HSPA9: variants seen among roughly 807,000 people sequenced by gnomAD.
HSPA9 encodes stress-70 protein, mitochondrial.
HSPA9 carries 28 observed loss-of-function variants against 81.5 expected under a neutral mutation model. The observed-to-expected ratio is 0.34, with a 90% CI of 0.25 to 0.47. The LOEUF is 0.47. HSPA9 is among the 20% of genes least tolerant of loss of function. HSPA9 has a pLI of 1.00. For missense variants in HSPA9, 678 were observed against 838.0 expected, an observed-to-expected ratio of 0.81 and a Z score of 2.36; for synonymous variants, 293 against 290.4, an observed-to-expected ratio of 1.01 and a Z score of -0.09.
Position 138,554,254 on chromosome 5 carries a change from T to C in HSPA9, c.*1783A>G, listed in dbSNP as rs750862638. Among the ~76,000 whole-genome samples the C allele has an allele frequency of 2.0e-5, 3 of 152,238 alleles. No individual in the cohort carries two copies. Among genetic ancestry groups the C allele is most frequent in the Non-Finnish European group, 4.4e-5 (3 of 68,040 alleles). ...TGCTTGGGCATTTGGCTCCTCTCTC[T>C]GATCCCAAGGATGAATCTTGACTAG... On this transcript the variant is annotated 3_prime_UTR_variant, in exon 17 of 17. Transcript: ENST00000297185.
chr5:138,574,145 A>T lies in HSPA9; in HGVS notation c.82-19T>A. 3 of 1,599,110 alleles carry T rather than the reference A, an allele frequency of 1.9e-6. No individual in the cohort carries two copies. The highest frequency in any genetic ancestry group is 2.6e-6 in the Non-Finnish European group (3 of 1,166,424). ...AGCTATCCTAAAAAAGAAAAAACTG[A>T]CTCAGTCACCAACCAGTGTGTATCC... On this transcript the variant is annotated intron_variant, in intron 1 of 16. Transcript: ENST00000297185.
In HSPA9 at chr5:138,554,627, A is replaced by G. The variant is rs966125415; in HGVS notation, c.*1410T>C. On this transcript the variant is annotated 3_prime_UTR_variant, in exon 17 of 17. Transcript: ENST00000297185. ...GGAAATACAGTAATCTCATTTCTAC[A>G]TATTACAAAACATTATAAAAGGAGC... Among the ~76,000 whole-genome samples, 3 of 152,244 alleles carry G rather than the reference A, an allele frequency of 2.0e-5. No individual in the cohort carries two copies. The highest frequency in any genetic ancestry group is 2.9e-5 in the Non-Finnish European group (2 of 68,042).
At chr5:138,573,066 T>C (rs1580751753) in intron 3 of HSPA9, among the ~76,000 whole-genome samples, 2 of 152,148 alleles carry the variant, frequency 1.3e-5, no homozygotes, top group East Asian at 3.9e-4. Context: ...CAGCTAATTT[T>C]TGTATTTTTA....
At chr5:138,566,529 C>T (rs1750766405) in intron 9 of HSPA9, 97 bp downstream of exon 9, 1 of 912,082 alleles carries the variant, frequency 1.1e-6, no homozygotes, top group Non-Finnish European at 1.8e-6. Flanking sequence ...ACAAAAAAAA[C>T]TCAACTGACA....
At chr5:138,558,466 C>G in intron 12 of HSPA9, 87 bp downstream of exon 12, 4 of 895,136 alleles carry the variant, frequency 4.5e-6, no homozygotes, top group Middle Eastern at 2.6e-4. Flanking sequence ...TGTATGCCAG[C>G]AGTTTATACT....
chr5:138,558,972 T>C (rs1580741864), intron 11 of HSPA9: 1 of 328,662 alleles, frequency 3.0e-6, no homozygotes, highest in East Asian at 6.8e-5. Context: ...AGATGTATCA[T>C]GCTCAGTCAC....
chr5:138,554,309 CT>C lies in HSPA9; in HGVS notation c.*1727del, dbSNP rs1341002788. On this transcript the variant is annotated 3_prime_UTR_variant, in exon 17 of 17. Transcript: ENST00000297185. ...AAGCCAGTAGTTCTCAACTGGAGTA[CT>C]TTGGAAATCCTGGAGGGCTTTTAAA... Among the ~76,000 whole-genome samples, 1 of 152,168 alleles carries C rather than the reference CT, an allele frequency of 6.6e-6. No homozygotes were observed. The highest frequency in any genetic ancestry group is 1.9e-4 in the East Asian group (1 of 5,196).
At chr5:138,559,731 A>C in intron 11 of HSPA9, 133 bp downstream of exon 11, 2 of 710,494 alleles carry the variant, frequency 2.8e-6, no homozygotes. Flanking sequence ...ACCCACAGTT[A>C]ACTGTTTAAT....
chr5:138,556,172 C>G, intron 16 of HSPA9, 58 bp from the exon 17 acceptor site: 1 of 1,381,934 alleles, frequency 7.2e-7, no homozygotes, highest in East Asian at 2.3e-5. Context: ...ACCATTTGCT[C>G]TTTGTTGCAC....
At position 138,575,281 on chromosome 5, in the gene HSPA9, A is replaced by G; in HGVS notation, c.38T>C (p.Val13Ala). The G allele has an allele frequency of 6.2e-7, 1 of 1,611,704 alleles. No individual in the cohort carries two copies. The highest frequency in any genetic ancestry group is 1.1e-5 in the South Asian group (1 of 90,796). Reference sequence around the variant, plus strand: ...AGGGCCCCGGGAGGCTGCGGCGCCCACGAGACGGGCTGCTGCAGCTCGGCT... The same window carrying G: ...AGGGCCCCGGGAGGCTGCGGCGCCCGCGAGACGGGCTGCTGCAGCTCGGCT... ...SASRAAAARL[V>A]GAAASRGPTA... The change falls in exon 1 of 17, where the codon GTG becomes GCG. Residue 13 changes from valine (V) to alanine (A), a missense_variant. Transcript: ENST00000297185.
chr5:138,558,147 C>T (rs1238253143), intron 12 of HSPA9, among the ~76,000 whole-genome samples, 161 bp from the exon 13 acceptor site: 3 of 152,102 alleles, frequency 2.0e-5, no homozygotes, highest in East Asian at 1.9e-4. Context: ...AGTAGTAGTT[C>T]GCTGCCTGAA....
intron 8 of HSPA9, 104 bp from the exon 9 acceptor site, chr5:138,566,822 T>C: frequency 9.1e-7 from 1 of 1,102,780 alleles, no homozygotes. Context: ...TACCTTTATA[T>C]ATAAGCATGA....
rs928003605 is a variant in HSPA9 at position 138,556,102 on chromosome 5, G to A, written c.1975C>T (p.Arg659Ter). The A allele has an allele frequency of 9.9e-6, 16 of 1,612,938 alleles. No homozygotes were observed. The highest frequency in any genetic ancestry group is 1.3e-5 in the African/African-American group (1 of 74,830). ...EMAYKKMASE[R>*]EGSGSSGTGE... Reference sequence around the variant, plus strand: ...GTGCCAGAACTTCCAGAGCCTTCTCGCTCAGATGCCATCTGTTAAGAAAAC... The same window carrying A: ...GTGCCAGAACTTCCAGAGCCTTCTCACTCAGATGCCATCTGTTAAGAAAAC... Residue 659 changes from arginine to a stop codon, truncating the protein, a stop_gained, in exon 17 of 17, where the codon CGA becomes TGA. Transcript: ENST00000297185. LOFTEE classifies it high-confidence loss of function.
rs1751070431 is a variant in HSPA9, at chr5:138,575,349, A to T, written c.-31T>A. On this transcript the variant is annotated 5_prime_UTR_variant, in exon 1 of 17. In the 5' UTR this introduces an upstream ATG that the reference lacks. Transcript: ENST00000297185. ...ATAAATGGAGGAGTACGAGGCAGCA[A>T]ACAAGCGCTCCGACGGCAAAGAGCT... The T allele has an allele frequency of 6.3e-7, 1 of 1,575,534 alleles. No homozygotes were observed. The highest frequency in any genetic ancestry group is 8.7e-7 in the Non-Finnish European group (1 of 1,148,056).
At chr5:138,558,019 T>TG in intron 12 of HSPA9, 33 bp from the exon 13 acceptor site, 1 of 1,347,074 alleles carries the variant, frequency 7.4e-7, no homozygotes, top group Non-Finnish European at 1.1e-6. Context: ...TAAGGTCCTC[T>TG]TACAGAGGGG....
intron 1 of HSPA9, chr5:138,574,711 C>T (rs1359650825): frequency 6.1e-6 from 1 of 164,924 alleles, no homozygotes; most frequent in Admixed American, 5.9e-5. Flanking sequence ...CACTCCATAG[C>T]CTTTTCTCCG....
intron 15 of HSPA9, 52 bp downstream of exon 15, chr5:138,556,722 G>C: frequency 1.9e-6 from 3 of 1,557,070 alleles, no homozygotes; most frequent in Non-Finnish European, 2.7e-6. Flanking sequence ...AACTTCACTG[G>C]CATTGGTAAA....
At position 138,556,130 on chromosome 5, in the gene HSPA9, T is replaced by C; in HGVS notation, c.1963-16A>G. ...CAGATGCCATCTGTTAAGAAAACAT[T>C]TGAGAGCCACTCAGATTTAACGTTA... On this transcript the variant is annotated splice_polypyrimidine_tract_variant and intron_variant, in intron 16 of 16. Transcript: ENST00000297185. The C allele has an allele frequency of 1.2e-6, 2 of 1,604,894 alleles. No homozygotes were observed. The highest frequency in any genetic ancestry group is 8.5e-7 in the Non-Finnish European group (1 of 1,172,132).
chr5:138,567,784 ACAACCTGTGT>A, intron 5 of HSPA9, 62 bp from the exon 6 acceptor site: 2 of 1,205,714 alleles, frequency 1.7e-6, no homozygotes, highest in Non-Finnish European at 2.4e-6. Context: ...ATATAGCCCA[ACAACCTGTGT>A]CATCCTTTTG....
Sources: gnomAD v4.1 joint callset for allele counts (sites outside exome capture counted in the v4.1 genomes callset) on GRCh38, gnomAD v4.1.1 for gene constraint, MANE v1.5 for transcripts, NCBI Gene and HGNC (gene_info 2026-07-23, HGNC 2026-07-21) for gene names.